The following CGGBP1 variants were observed in gnomAD, a reference collection of about 807,000 sequenced individuals.
CGGBP1 encodes the protein CGG triplet repeat-binding protein 1.
In CGGBP1, 4 loss-of-function variants were observed where a neutral mutation model predicts 11.4. The observed-to-expected ratio is 0.35, with a 90% CI of 0.17 to 0.80. CGGBP1 has a LOEUF of 0.80. Ranked by LOEUF, CGGBP1 falls within the 30% of genes least tolerant of loss-of-function variation. The pLI, the probability that CGGBP1 is intolerant of heterozygous loss-of-function variation, is 0.52. For missense variants in CGGBP1, 135 were observed against 202.1 expected (o/e 0.67, Z 2.01); for synonymous variants, 76 against 74.1 (o/e 1.03, Z -0.13).
At chr3:88,078,167 C>G (rs1052685760) in intron 2 of CGGBP1, among the ~76,000 whole-genome samples, 11 of 152,174 alleles carry the variant, frequency 7.2e-5, no homozygotes, top group African/African-American at 2.7e-4. Flanking sequence ...ATTCTTTCCT[C>G]TTGGATGGAA....
rs559315663 is a variant in CGGBP1, at chr3:88,147,699, C to G, written c.-338+2012G>C. On this transcript the variant is annotated intron_variant, in intron 1 of 3. Coordinates refer to the CGGBP1 transcript ENST00000462901. ...TGTGTCTGATAGTTACTGTATTGGA[C>G]AGCAAAAAACATTTTCACCATCTCG... is the stretch of plus-strand genomic sequence containing the variant. Among the ~76,000 whole-genome samples the G allele has an allele frequency of 2.0e-3, 299 of 152,284 alleles. 1 individual carries two copies. Among genetic ancestry groups the G allele is most frequent in the Non-Finnish European group, 3.4e-3 (229 of 68,016 alleles).
chr3:88,121,416 A>G (rs541140906), intron 2 of CGGBP1, among the ~76,000 whole-genome samples: 1 of 152,150 alleles, frequency 6.6e-6, no homozygotes, highest in Non-Finnish European at 1.5e-5. Context: ...GATACTTCCA[A>G]ATGTTCATTT....
chr3:88,084,401 G>A (rs1708235095), intron 2 of CGGBP1, among the ~76,000 whole-genome samples: 2 of 152,158 alleles, frequency 1.3e-5, no homozygotes, highest in African/African-American at 4.8e-5. Flanking sequence ...AATAAAGCTG[G>A]TCAAAGACTT....
At chr3:88,125,703 A>G in intron 2 of CGGBP1, among the ~76,000 whole-genome samples, 1 of 152,164 alleles carries the variant, frequency 6.6e-6, no homozygotes, top group East Asian at 1.9e-4. Flanking sequence ...CCAGCCAGAG[A>G]GAGACTTTAC....
intron 1 of CGGBP1, among the ~76,000 whole-genome samples, chr3:88,147,797 C>T (rs1707336100): frequency 6.6e-6 from 1 of 152,106 alleles, no homozygotes; most frequent in Non-Finnish European, 1.5e-5. Context: ...GGACATGTAA[C>T]AATGTCTGGA....
chr3:88,138,605 A>C, intron 2 of CGGBP1: 1 of 638,496 alleles, frequency 1.6e-6, no homozygotes, highest in Non-Finnish European at 2.2e-6. Flanking sequence ...TACTATGTTT[A>C]TTCAGCTTTC....
At chr3:88,092,611 T>C (rs1703810562) in intron 2 of CGGBP1, among the ~76,000 whole-genome samples, 1 of 152,226 alleles carries the variant, frequency 6.6e-6, no homozygotes, top group Non-Finnish European at 1.5e-5. Context: ...ATATTTATTA[T>C]CTGTTTTTAC....
intron 2 of CGGBP1, among the ~76,000 whole-genome samples, chr3:88,093,177 TTAAG>T (rs1440901325): frequency 1.3e-5 from 2 of 152,218 alleles, no homozygotes; most frequent in Non-Finnish European, 2.9e-5. Context: ...ATTGAGTTAA[TTAAG>T]TTCTTACTGG....
chr3:88,057,296 A>G lies in CGGBP1; in HGVS notation c.-125-4T>C, dbSNP rs1441265258. 6.6e-6 allele frequency: 1 copy of G among 152,108 alleles called. No homozygotes were observed. The highest frequency in any genetic ancestry group is 2.4e-5 in the African/African-American group (1 of 41,440). 9.4% of individuals were successfully genotyped at this position (152,108 alleles called of 1,614,324 possible). A position where few individuals can be genotyped will look rare whatever the true frequency, so the allele number is the denominator to read the frequency against. Reference sequence around the variant, plus strand: ...GATTAAACATTCCACAGAAATTCTGAAAAGTACGATAAAGTCTAGGTTTTA... The same window carrying G: ...GATTAAACATTCCACAGAAATTCTGGAAAGTACGATAAAGTCTAGGTTTTA... On this transcript the variant is annotated splice_polypyrimidine_tract_variant and splice_region_variant and intron_variant, in intron 2 of 3. Coordinates refer to ENST00000482016, the MANE Select transcript of CGGBP1 (RefSeq NM_001008390.2).
intron 2 of CGGBP1, among the ~76,000 whole-genome samples, chr3:88,090,579 T>TA (rs1559703032): frequency 2.6e-5 from 4 of 152,318 alleles, no homozygotes; most frequent in African/African-American, 9.6e-5. Flanking sequence ...AAAAAATTTT[T>TA]ATAAGTGCGG....
intron 2 of CGGBP1, among the ~76,000 whole-genome samples, chr3:88,089,032 CA>C (rs1374088298): frequency 1.3e-5 from 2 of 151,706 alleles, no homozygotes; most frequent in Non-Finnish European, 2.9e-5. Flanking sequence ...CTCAGGCTCC[CA>C]AAGTGCTGGG....
chr3:88,141,629 G>A (rs1286587418), intron 1 of CGGBP1: 1 of 1,488,794 alleles, frequency 6.7e-7, no homozygotes, highest in Non-Finnish European at 9.1e-7. Context: ...ATTAACAGAT[G>A]TGTTCTGTTT....
At chr3:88,084,544 A>G (rs2107656264) in intron 2 of CGGBP1, among the ~76,000 whole-genome samples, 1 of 152,332 alleles carries the variant, frequency 6.6e-6, no homozygotes, top group South Asian at 2.1e-4. Flanking sequence ...GAGCCAGACG[A>G]GATACAAGTT....
chr3:88,063,540 CTTA>C (rs1707009241), upstream of CGGBP1, among the ~76,000 whole-genome samples: 1 of 152,098 alleles, frequency 6.6e-6, no homozygotes, highest in Non-Finnish European at 1.5e-5. Flanking sequence ...TTACATAATA[CTTA>C]TTATAGCTCT....
At chr3:88,086,141 A>G in intron 2 of CGGBP1, 1 of 821,578 alleles carries the variant, frequency 1.2e-6, no homozygotes, top group South Asian at 1.9e-5. Context: ...CCCTCCAGTC[A>G]CCTGTGTTCA....
intron 2 of CGGBP1, among the ~76,000 whole-genome samples, chr3:88,086,751 A>G (rs1179064268): frequency 2.6e-5 from 4 of 152,156 alleles, no homozygotes; most frequent in Non-Finnish European, 4.4e-5. Context: ...ATCAGGTCAG[A>G]AAGAGGTTAG....
chr3:88,059,998 G>A (rs186377461), upstream of CGGBP1, among the ~76,000 whole-genome samples: 11 of 151,710 alleles, frequency 7.3e-5, no homozygotes, highest in East Asian at 2.0e-3. Flanking sequence ...CTCTTCTAGG[G>A]TCTCCTGTCA....
At chr3:88,131,131 G>A (rs1340170716) in intron 2 of CGGBP1, among the ~76,000 whole-genome samples, 1 of 152,108 alleles carries the variant, frequency 6.6e-6, no homozygotes, top group African/African-American at 2.4e-5. Context: ...TTGCTCCTAG[G>A]CTACAAACCT....
chr3:88,126,577 ATCTTT>A (rs1415247140), intron 2 of CGGBP1, among the ~76,000 whole-genome samples: 1 of 105,476 alleles, frequency 9.5e-6, no homozygotes, highest in African/African-American at 3.3e-5. Context: ...AAGTAGAAAC[ATCTTT>A]TTTTTTTTTT....
Sources: gnomAD v4.1 joint callset for allele counts (sites outside exome capture counted in the v4.1 genomes callset) on GRCh38, gnomAD v4.1.1 for gene constraint, MANE v1.5 for transcripts, NCBI Gene and HGNC (gene_info 2026-07-23, HGNC 2026-07-21) for gene names.